The following SORCS2 variants were observed in gnomAD, a reference collection of about 807,000 sequenced individuals.
SORCS2 encodes VPS10 domain-containing receptor SorCS2.
SORCS2 carries 100 observed loss-of-function variants against 141.6 expected under a neutral mutation model. The ratio of observed to expected loss-of-function variants is 0.71; its 90% CI spans 0.60 to 0.83. The LOEUF (loss-of-function observed/expected upper bound fraction) is 0.83. SORCS2 is among the 40% of genes least tolerant of loss of function. The probability of loss-of-function intolerance (pLI) is 0.00; values close to 1 mark genes in which losing one functional copy is unlikely to be tolerated. For synonymous variants in SORCS2, 789 were observed against 676.9 expected, an observed-to-expected ratio of 1.17 and a Z score of -2.57; for missense variants, 1,646 against 1,560.2, an observed-to-expected ratio of 1.05 and a Z score of -0.93.
Position 7,339,779 on chromosome 4 carries a change from C to T in SORCS2, c.481-56509C>T, listed in dbSNP as rs941976068. 5.3e-5 allele frequency among the ~76,000 whole-genome samples: 8 copies of T among 152,258 alleles called. No individual in the cohort carries two copies. In the South Asian group the frequency reaches 6.2e-4, roughly 12 times the overall value. On this transcript the variant is annotated intron_variant, in intron 1 of 26. Coordinates refer to ENST00000507866, the MANE Select transcript of SORCS2 (RefSeq NM_020777.3). ...AGTTCAACCCATAAGAGGGAGAAAG[C>T]GAAGAACCAGCTCAGACGTGTTCAT...
At chr4:7,430,434 TC>T (rs1183937999) in intron 2 of SORCS2, 1 of 152,254 alleles carries the variant, frequency 6.6e-6, no homozygotes, top group Non-Finnish European at 1.5e-5. Context: ...CAAGCCCTTT[TC>T]CAGGCTCCCA....
intron 2 of SORCS2, among the ~76,000 whole-genome samples, chr4:7,426,660 C>T (rs1237130480): frequency 1.3e-5 from 2 of 152,082 alleles, no homozygotes; most frequent in Admixed American, 6.5e-5. Flanking sequence ...GGGGTGTGCT[C>T]GATGCGGTCA....
At chr4:7,434,560 C>T (rs778706411) in intron 2 of SORCS2, 18 of 1,613,364 alleles carry the variant, frequency 1.1e-5, no homozygotes, top group Non-Finnish European at 1.4e-5. Context: ...CATCCACTTG[C>T]ATCCGGCTGA....
chr4:7,422,912 G>C (rs984726549), intron 2 of SORCS2, among the ~76,000 whole-genome samples: 2 of 152,156 alleles, frequency 1.3e-5, no homozygotes, highest in Admixed American at 1.3e-4. Flanking sequence ...CACCCCGCGG[G>C]GATCCGCAGA....
At chr4:7,715,827 GA>G (rs1726151302) in intron 17 of SORCS2, among the ~76,000 whole-genome samples, 1 of 152,138 alleles carries the variant, frequency 6.6e-6, no homozygotes, top group South Asian at 2.1e-4. Flanking sequence ...CTTCCTCCAG[GA>G]AGCCTTCCCT....
chr4:7,343,090 C>A (rs570056069), intron 1 of SORCS2, among the ~76,000 whole-genome samples: 2 of 152,340 alleles, frequency 1.3e-5, no homozygotes, highest in East Asian at 3.9e-4. Context: ...GCTCGTGATC[C>A]TCTGCCTGTG....
chr4:7,210,530 C>G (rs773973204), intron 1 of SORCS2, among the ~76,000 whole-genome samples: 1 of 152,190 alleles, frequency 6.6e-6, no homozygotes, highest in African/African-American at 2.4e-5. Flanking sequence ...ATCTATCCAC[C>G]TTAGCCTCCC....
At chr4:7,487,660 G>C (rs532194801) in intron 2 of SORCS2, among the ~76,000 whole-genome samples, 1 of 152,200 alleles carries the variant, frequency 6.6e-6, no homozygotes, top group Non-Finnish European at 1.5e-5. Context: ...CTAGACTCAC[G>C]TAGCGGTGAT....
chr4:7,682,630 G>A (rs967749158), intron 9 of SORCS2, 113 bp from the exon 10 acceptor site: 1 of 1,053,792 alleles, frequency 9.5e-7, no homozygotes, highest in Non-Finnish European at 1.4e-6. Context: ...TTGTGACTGT[G>A]AAATGAGGCC....
chr4:7,697,151 A>G, intron 11 of SORCS2, 47 bp from the exon 12 acceptor site: 4 of 1,503,202 alleles, frequency 2.7e-6, no homozygotes, highest in Non-Finnish European at 3.6e-6. Context: ...AAAGGGGTAA[A>G]GCTGGACGAT....
At chr4:7,312,944 C>A (rs1560184092) in intron 1 of SORCS2, among the ~76,000 whole-genome samples, 2 of 152,246 alleles carry the variant, frequency 1.3e-5, no homozygotes, top group Non-Finnish European at 1.5e-5. Flanking sequence ...GGCTGAGCAG[C>A]GACTGTCCTG....
intron 2 of SORCS2, among the ~76,000 whole-genome samples, chr4:7,503,515 CAG>C (rs777953133): frequency 2.0e-5 from 3 of 152,036 alleles, no homozygotes; most frequent in African/African-American, 7.2e-5. Flanking sequence ...GAGATGGAGA[CAG>C]AGAGAGACAG....
intron 1 of SORCS2, among the ~76,000 whole-genome samples, chr4:7,232,149 G>T (rs1359765375): frequency 6.6e-6 from 1 of 152,228 alleles, no homozygotes; most frequent in East Asian, 1.9e-4. Context: ...GAGCAGGATT[G>T]GGGGAATGGA....
At chr4:7,565,161 C>T (rs922974532) in intron 3 of SORCS2, among the ~76,000 whole-genome samples, 8 of 152,092 alleles carry the variant, frequency 5.3e-5, no homozygotes, top group African/African-American at 9.7e-5. Flanking sequence ...TTCCTCTGAC[C>T]GAGGATCGAT....
At chr4:7,255,899 GGC>G (rs1182173958) in intron 1 of SORCS2, among the ~76,000 whole-genome samples, 2 of 8,354 alleles carry the variant, frequency 2.4e-4, no homozygotes, top group African/African-American at 4.5e-4. Context: ...GGGGACCCGG[GGC>G]TGGAGCGTGG....
intron 3 of SORCS2, among the ~76,000 whole-genome samples, chr4:7,603,746 T>C (rs1249248986): frequency 2.0e-5 from 3 of 152,136 alleles, no homozygotes; most frequent in African/African-American, 7.2e-5. Context: ...GAGGTCATCA[T>C]GCTCTTTGAA....
In SORCS2 at chr4:7,664,297, C is replaced by A; in HGVS notation, c.953-56C>A. The A allele has an allele frequency of 1.4e-6, 2 of 1,430,944 alleles. No individual in the cohort carries two copies. The highest frequency in any genetic ancestry group is 1.2e-5 in the South Asian group (1 of 83,544). 88.6% of individuals were successfully genotyped at this position (1,430,944 alleles called of 1,614,324 possible). A position where few individuals can be genotyped will look rare whatever the true frequency, so the allele number is the denominator to read the frequency against. The stretch of plus-strand genomic sequence containing the variant: ...GATGGAGTCCAGCACATGTCTCGGG[C>A]CGTCTCTGGCTCCGGCTGGAGTCTG... On this transcript the variant is annotated intron_variant, in intron 6 of 26. Transcript: ENST00000507866. This position sits in a 1 kb window ranked among gnomAD's most constrained non-coding sequence, Gnocchi z 4.7.
chr4:7,549,175 C>T (rs1713495051), intron 3 of SORCS2, among the ~76,000 whole-genome samples: 1 of 152,158 alleles, frequency 6.6e-6, no homozygotes, highest in Non-Finnish European at 1.5e-5. Flanking sequence ...AGCGATGCTG[C>T]TCTTGGTACA....
intron 2 of SORCS2, chr4:7,434,977 C>T (rs1438301761): frequency 7.1e-7 from 1 of 1,406,138 alleles, no homozygotes; most frequent in Non-Finnish European, 9.4e-7. Context: ...GGAAGGGCGG[C>T]CCCACCTCCT....
Sources: gnomAD v4.1 joint callset for allele counts (sites outside exome capture counted in the v4.1 genomes callset) on GRCh38, gnomAD v4.1.1 for gene constraint, Gnocchi (gnomAD v3.1) non-coding constraint, MANE v1.5 for transcripts, NCBI Gene and HGNC (gene_info 2026-07-23, HGNC 2026-07-21) for gene names.